The following MDGA2 variants were observed in gnomAD, a reference collection of about 807,000 sequenced individuals.
MDGA2 encodes the protein MAM domain containing glycosylphosphatidylinositol anchor 2.
A neutral mutation model predicts 117.8 loss-of-function variants in MDGA2; 40 were observed. The ratio of observed to expected loss-of-function variants is 0.34; its 90% CI spans 0.26 to 0.44. The LOEUF (loss-of-function observed/expected upper bound fraction) is 0.44. MDGA2 is among the 20% of genes least tolerant of loss of function. The pLI, the probability that MDGA2 is intolerant of heterozygous loss-of-function variation, is 1.00. For missense variants in MDGA2, 1,123 were observed against 1,250.6 expected, an observed-to-expected ratio of 0.90 and a Z score of 1.54; for synonymous variants, 452 against 439.0, an observed-to-expected ratio of 1.03 and a Z score of -0.37.
At chr14:46,993,414 C>T (rs1251370866) in intron 8 of MDGA2, among the ~76,000 whole-genome samples, 1 of 151,604 alleles carries the variant, frequency 6.6e-6, no homozygotes, top group Non-Finnish European at 1.5e-5. Context: ...ATAAATAATA[C>T]TTATTATACA....
intron 3 of MDGA2, among the ~76,000 whole-genome samples, chr14:47,183,164 A>G (rs1884777500): frequency 6.6e-6 from 1 of 151,998 alleles, no homozygotes; most frequent in South Asian, 2.1e-4. Context: ...CTGTATCATC[A>G]TCTATCTAAT....
chr14:46,936,888 C>T (rs28742878), intron 9 of MDGA2, among the ~76,000 whole-genome samples: 2,993 of 151,990 alleles, frequency 0.02, 98 homozygotes, highest in African/African-American at 0.068. Context: ...TGGAACAAGA[C>T]AAGGATGCCC....
chr14:47,434,584 G>T (rs12895209), intron 1 of MDGA2, among the ~76,000 whole-genome samples: 37,693 of 151,906 alleles, frequency 0.25, 4,969 homozygotes, highest in Middle Eastern at 0.41. Context: ...TGTATTTATT[G>T]CCTAAAATAA....
At chr14:47,010,968 A>G (rs1468986592) in intron 8 of MDGA2, among the ~76,000 whole-genome samples, 1 of 151,970 alleles carries the variant, frequency 6.6e-6, no homozygotes, top group East Asian at 1.9e-4. Flanking sequence ...ATTTGCAGTA[A>G]GAGAATGGCG....
chr14:47,422,979 C>G (rs559512175), intron 1 of MDGA2, among the ~76,000 whole-genome samples: 1 of 152,082 alleles, frequency 6.6e-6, no homozygotes, highest in Non-Finnish European at 1.5e-5. Flanking sequence ...TAATCTTAAA[C>G]GATTATTAAT....
intron 6 of MDGA2, among the ~76,000 whole-genome samples, chr14:47,075,432 GTA>G (rs1890456125): frequency 1.3e-5 from 2 of 152,166 alleles, no homozygotes; most frequent in Admixed American, 6.5e-5. Flanking sequence ...CTATTACCAA[GTA>G]GTCATCAGAT....
At chr14:46,962,818 T>A (rs1031874954) in intron 8 of MDGA2, among the ~76,000 whole-genome samples, 1 of 152,074 alleles carries the variant, frequency 6.6e-6, no homozygotes, top group Non-Finnish European at 1.5e-5. Context: ...AAATGCCAAA[T>A]ATGAACTTTA....
chr14:47,484,901 C>T (rs940864621), intron 1 of MDGA2, among the ~76,000 whole-genome samples: 9 of 152,174 alleles, frequency 5.9e-5, no homozygotes, highest in Non-Finnish European at 1.0e-4. Flanking sequence ...CCATGTGGAA[C>T]TGTCAGTCCA....
chr14:47,431,318 AT>A (rs1892794790), intron 1 of MDGA2, among the ~76,000 whole-genome samples: 1 of 152,004 alleles, frequency 6.6e-6, no homozygotes, highest in Non-Finnish European at 1.5e-5. Context: ...GGGGAAAAAT[AT>A]AAAATTTTCT....
intron 1 of MDGA2, among the ~76,000 whole-genome samples, chr14:47,404,540 G>A (rs1166153863): frequency 6.6e-6 from 1 of 152,066 alleles, no homozygotes; most frequent in East Asian, 1.9e-4. Context: ...TGTTGCCCAT[G>A]CTGGAGTGCA....
intron 1 of MDGA2, among the ~76,000 whole-genome samples, chr14:47,504,235 T>G (rs567995168): frequency 6.6e-6 from 1 of 152,342 alleles, no homozygotes; most frequent in Non-Finnish European, 1.5e-5. Flanking sequence ...AAAAATGGTT[T>G]TTTAAACCAT....
At chr14:47,484,276 G>A (rs977515273) in intron 1 of MDGA2, among the ~76,000 whole-genome samples, 2 of 151,742 alleles carry the variant, frequency 1.3e-5, no homozygotes, top group Admixed American at 6.6e-5. Flanking sequence ...TTACTTCCAC[G>A]GACACAACTA....
chr14:47,622,910 C>T (rs1447907259), intron 1 of MDGA2, among the ~76,000 whole-genome samples: 1 of 152,112 alleles, frequency 6.6e-6, no homozygotes, highest in Non-Finnish European at 1.5e-5. Context: ...CAGGGTGTAG[C>T]TGTCATTGTG....
At chr14:47,024,249 C>T (rs11624358) in intron 8 of MDGA2, among the ~76,000 whole-genome samples, 28,122 of 152,122 alleles carry the variant, frequency 0.18, 2,800 homozygotes, top group African/African-American at 0.22. Context: ...AAAGTGAAAA[C>T]TTTGTGTACT....
chr14:46,876,434 G>A (rs1882231691), intron 12 of MDGA2, among the ~76,000 whole-genome samples: 1 of 151,432 alleles, frequency 6.6e-6, no homozygotes, highest in Non-Finnish European at 1.5e-5. Context: ...CTTTTCAAAA[G>A]TCAATGTAAT....
intron 7 of MDGA2, chr14:47,058,926 T>G: frequency 1.0e-6 from 1 of 971,196 alleles, no homozygotes; most frequent in Non-Finnish European, 1.2e-6. Flanking sequence ...ATAGTGAGTT[T>G]ATTAATTTTT....
chr14:47,373,275 A>G (rs1477839672), intron 1 of MDGA2, among the ~76,000 whole-genome samples: 1 of 152,098 alleles, frequency 6.6e-6, no homozygotes, highest in African/African-American at 2.4e-5. Flanking sequence ...AGTAAAGGAT[A>G]AAGTATATAA....
chr14:47,024,512 C>G (rs1230408894), intron 8 of MDGA2, among the ~76,000 whole-genome samples: 2 of 152,070 alleles, frequency 1.3e-5, no homozygotes, highest in Non-Finnish European at 2.9e-5. Context: ...CAGTTTCCTG[C>G]TTAGCTTTGA....
intron 1 of MDGA2, among the ~76,000 whole-genome samples, chr14:47,563,201 A>G (rs190428400): frequency 8.7e-4 from 132 of 152,236 alleles, no homozygotes; most frequent in Middle Eastern, 3.4e-3. Context: ...GATAAGAGGA[A>G]TGTATATTCT....
Sources: allele counts gnomAD v4.1 joint callset (sites outside exome capture counted in the v4.1 genomes callset), GRCh38; gene constraint gnomAD v4.1.1; transcripts MANE v1.5; gene names NCBI Gene and HGNC (gene_info 2026-07-23, HGNC 2026-07-21).